Variants in ARHGAP22 observed in about 807,000 individuals in gnomAD.
ARHGAP22 encodes rho GTPase-activating protein 22.
Under a neutral mutation model 59.1 loss-of-function variants are expected in ARHGAP22, and 48 were observed. The observed-to-expected ratio is 0.81, with a 90% CI of 0.64 to 1.03. The LOEUF is 1.03. Ranked by LOEUF, ARHGAP22 falls within the 50% of genes least tolerant of loss-of-function variation. The pLI, the probability that ARHGAP22 is intolerant of heterozygous loss-of-function variation, is 0.00. For synonymous variants in ARHGAP22, 445 were observed against 416.4 expected, an observed-to-expected ratio of 1.07 and a Z score of -0.84; for missense variants, 1,015 against 958.7, an observed-to-expected ratio of 1.06 and a Z score of -0.78.
chr10:48,588,152 G>A (rs753358511), intron 1 of ARHGAP22, among the ~76,000 whole-genome samples: 22 of 152,158 alleles, frequency 1.4e-4, no homozygotes, highest in East Asian at 5.8e-4. Context: ...AGAGCTTCAC[G>A]TAAGGAGGGA....
upstream of ARHGAP22, among the ~76,000 whole-genome samples, chr10:48,606,553 C>G (rs548234148): frequency 2.6e-5 from 4 of 152,274 alleles, no homozygotes; most frequent in Non-Finnish European, 5.9e-5. Flanking sequence ...TATCTCTTGC[C>G]GATGCTCTAT....
intron 3 of ARHGAP22, among the ~76,000 whole-genome samples, chr10:48,521,062 G>C (rs4838612): frequency 6.6e-6 from 1 of 152,186 alleles, no homozygotes; most frequent in Non-Finnish European, 1.5e-5. Context: ...CAATACCCTC[G>C]GAGTTCAGAC....
intron 1 of ARHGAP22, among the ~76,000 whole-genome samples, chr10:48,615,834 A>C (rs2061059605): frequency 6.6e-6 from 1 of 152,174 alleles, no homozygotes; most frequent in Non-Finnish European, 1.5e-5. Flanking sequence ...AAGAGTTGGG[A>C]AAGTACAATA....
chr10:48,605,303 T>G (rs1245652155), upstream of ARHGAP22, among the ~76,000 whole-genome samples: 1 of 151,672 alleles, frequency 6.6e-6, no homozygotes, highest in Non-Finnish European at 1.5e-5. Flanking sequence ...CCGGGTGGGA[T>G]AGCGCTTTGG....
At chr10:48,609,227 G>A (rs2060788710), upstream of ARHGAP22, among the ~76,000 whole-genome samples, 1 of 152,214 alleles carries the variant, frequency 6.6e-6, no homozygotes, top group Non-Finnish European at 1.5e-5. Flanking sequence ...GGCAGAGGAT[G>A]CCAGCTCTCC....
chr10:48,569,704 A>G (rs2058278241), intron 2 of ARHGAP22, among the ~76,000 whole-genome samples: 1 of 152,244 alleles, frequency 6.6e-6, no homozygotes, highest in Non-Finnish European at 1.5e-5. Flanking sequence ...GCAGATCCTG[A>G]GAGAAGCTCA....
chr10:48,533,739 A>G (rs2055084435), intron 3 of ARHGAP22, among the ~76,000 whole-genome samples: 2 of 152,236 alleles, frequency 1.3e-5, no homozygotes, highest in South Asian at 4.1e-4. Context: ...TTCCAATAAA[A>G]CTTTATGTAC....
chr10:48,645,785 G>A (rs1172614131), intron 1 of ARHGAP22, among the ~76,000 whole-genome samples: 1 of 152,042 alleles, frequency 6.6e-6, no homozygotes, highest in Admixed American at 6.5e-5. Context: ...ACAATATACT[G>A]TATTATTCTA....
At chr10:48,545,827 A>G (rs1412970154) in intron 3 of ARHGAP22, among the ~76,000 whole-genome samples, 1 of 152,210 alleles carries the variant, frequency 6.6e-6, no homozygotes, top group Non-Finnish European at 1.5e-5. Context: ...TGTAGCCATA[A>G]GACGGGCAGG....
chr10:48,531,205 A>G (rs1185836013), intron 3 of ARHGAP22, among the ~76,000 whole-genome samples: 1 of 152,194 alleles, frequency 6.6e-6, no homozygotes, highest in Non-Finnish European at 1.5e-5. Flanking sequence ...CTCACTCATA[A>G]TTGGGAGCTA....
At chr10:48,536,352 T>A (rs1294489570) in intron 3 of ARHGAP22, among the ~76,000 whole-genome samples, 1 of 152,210 alleles carries the variant, frequency 6.6e-6, no homozygotes, top group Non-Finnish European at 1.5e-5. Context: ...CTCTGCAGGA[T>A]CAGGCAGGGG....
intron 5 of ARHGAP22, among the ~76,000 whole-genome samples, chr10:48,459,138 AGTT>A (rs67558753): frequency 0.17 from 25,337 of 152,164 alleles, 2,735 homozygotes; most frequent in East Asian, 0.61. Context: ...CTGGGGGTAT[AGTT>A]GGCTCCACCC....
intron 3 of ARHGAP22, among the ~76,000 whole-genome samples, chr10:48,509,712 G>A (rs184042549): frequency 6.6e-6 from 1 of 152,236 alleles, no homozygotes; most frequent in Admixed American, 6.5e-5. Context: ...GAAGGTTATT[G>A]GAAAGGAGAG....
At chr10:48,476,395 C>T (rs1024242321) in intron 4 of ARHGAP22, among the ~76,000 whole-genome samples, 4 of 152,122 alleles carry the variant, frequency 2.6e-5, no homozygotes, top group African/African-American at 4.8e-5. Context: ...GGTGGCCTGC[C>T]GGTGCCAGAA....
At chr10:48,555,434 C>A in intron 3 of ARHGAP22, 29 bp downstream of exon 3, 1 of 1,606,686 alleles carries the variant, frequency 6.2e-7, no homozygotes, top group Non-Finnish European at 8.5e-7. Context: ...CCCACCAGGG[C>A]TGCAGAGCTG....
chr10:48,555,336 C>T (rs542637865), intron 3 of ARHGAP22, 127 bp downstream of exon 3: 190 of 854,688 alleles, frequency 2.2e-4, no homozygotes, highest in Admixed American at 4.4e-4. Context: ...CCCACATTTC[C>T]GAGTCATGCC....
At chr10:48,519,336 C>T (rs2134691494) in intron 3 of ARHGAP22, among the ~76,000 whole-genome samples, 1 of 152,330 alleles carries the variant, frequency 6.6e-6, no homozygotes, top group African/African-American at 2.4e-5. Context: ...CTGGGCACCC[C>T]AGTGAGCCCA....
At chr10:48,615,481 A>C (rs1223134274) in intron 1 of ARHGAP22, among the ~76,000 whole-genome samples, 2 of 152,248 alleles carry the variant, frequency 1.3e-5, no homozygotes, top group Non-Finnish European at 2.9e-5. Context: ...TGGAAAGAAG[A>C]GAAAATCTTA....
chr10:48,459,786 C>T lies in ARHGAP22; in HGVS notation c.557G>A (p.Arg186His), dbSNP rs75710233. Residue 186 changes from arginine to histidine, a missense_variant, in exon 5 of 10, where the codon CGC becomes CAC. Physicochemically the swap from Arg to His is conservative, Grantham distance 29 (BLOSUM62 0). Coordinates refer to ENST00000249601, the MANE Select transcript of ARHGAP22 (RefSeq NM_021226.4). ...GAACAGCCCCTCCTCAGTGAGCCCG[C>T]GCTCCCGGATGAAGTCCACACACTG... is the stretch of plus-strand genomic sequence containing the variant. ...VEQCVDFIRE[R>H]GLTEEGLFRM... 3,845 of 1,613,922 alleles carry T rather than the reference C, an allele frequency of 2.4e-3. 14 individuals are homozygous for T. The highest frequency in any genetic ancestry group is 2.5e-3 in the Non-Finnish European group (2,895 of 1,180,032).
Sources: gnomAD v4.1 joint callset for allele counts (sites outside exome capture counted in the v4.1 genomes callset) on GRCh38, gnomAD v4.1.1 for gene constraint, MANE v1.5 for transcripts, NCBI Gene and HGNC (gene_info 2026-07-23, HGNC 2026-07-21) for gene names.